ADGRL1: variants seen among roughly 807,000 people sequenced by gnomAD.
ADGRL1 encodes the protein CIRL-1.
Under a neutral mutation model 148.9 loss-of-function variants are expected in ADGRL1, and 31 were observed. The ratio of observed to expected loss-of-function variants is 0.21; its 90% CI spans 0.16 to 0.28. The LOEUF is 0.28. Among genes scored for constraint, ADGRL1 ranks in the 10% least tolerant of loss-of-function variants. The probability of loss-of-function intolerance (pLI) is 1.00; values close to 1 mark genes in which losing one functional copy is unlikely to be tolerated. For synonymous variants in ADGRL1, 937 were observed against 900.3 expected, an observed-to-expected ratio of 1.04 and a Z score of -0.73; for missense variants, 1,521 against 2,058.8, an observed-to-expected ratio of 0.74 and a Z score of 5.05.
In ADGRL1 at chr19:14,155,563, C is replaced by T. The variant is rs776939017; in HGVS notation, c.3126-36G>A. The T allele has an allele frequency of 7.5e-6, 12 of 1,608,662 alleles. No homozygotes were observed. In the South Asian group the frequency reaches 1.2e-4, roughly 16 times the overall value. ...GGCGACAGGGGAGTCAAAGTACCCG[C>T]CGGAGGGGACGGCCTCAGCCCAGGC... On this transcript the variant is annotated intron_variant, in intron 17 of 22. Transcript: ENST00000361434. The surrounding 1 kb of genome is among the most constrained non-coding windows in gnomAD (Gnocchi z 5.0).
chr19:14,194,013 G>A (rs12611303), intron 1 of ADGRL1, among the ~76,000 whole-genome samples: 19,932 of 152,144 alleles, frequency 0.13, 1,465 homozygotes, highest in South Asian at 0.3. Flanking sequence ...AGGCCAAGGC[G>A]GGAGAATTGC....
At chr19:14,158,644 A>G (rs1969019622) in intron 11 of ADGRL1, 92 bp from the exon 12 acceptor site, 1 of 1,071,918 alleles carries the variant, frequency 9.3e-7, no homozygotes, top group Non-Finnish European at 1.4e-6. Flanking sequence ...CCAGCTCCTC[A>G]GCCCTTGGCC....
rs374360165 is a variant in ADGRL1, at chr19:14,162,603, C to T, written c.1195+3G>A. On this transcript the variant is annotated splice_donor_region_variant and intron_variant, in intron 5 of 22. Coordinates refer to ENST00000361434, the MANE Select transcript of ADGRL1 (RefSeq NM_014921.5). This position sits in a 1 kb window ranked among gnomAD's most constrained non-coding sequence, Gnocchi z 5.4. Reference sequence around the variant, plus strand: ...TCCATGCCTGGAAGTGAGTCGTCCTCACCAGCACTGGGGTCGGGCGGCCCG... The same window carrying T: ...TCCATGCCTGGAAGTGAGTCGTCCTTACCAGCACTGGGGTCGGGCGGCCCG... 5.5e-4 allele frequency: 878 copies of T among 1,600,408 alleles called. No individual in the cohort carries two copies. Among genetic ancestry groups the T allele is most frequent in the Non-Finnish European group, 7.3e-4 (852 of 1,171,174 alleles).
At chr19:14,158,661 G>C in intron 11 of ADGRL1, 109 bp from the exon 12 acceptor site, 1 of 855,292 alleles carries the variant, frequency 1.2e-6, no homozygotes, top group Non-Finnish European at 1.8e-6. Context: ...GGCCACGCTG[G>C]CCACTGGGAC....
chr19:14,159,214 G>C lies in ADGRL1; in HGVS notation c.2025C>G (p.Val675=). ...ARFLAAKENV[V]LEVTVLNTEG... ...CTGTGTTCAGGACTGTGACCTCCAGGACTGTGGGGACAGGGGAAGGCAAGG... is the reference window on the plus strand; with the variant it reads ...CTGTGTTCAGGACTGTGACCTCCAGCACTGTGGGGACAGGGGAAGGCAAGG... The change falls in exon 11 of 23, where the codon GTC becomes GTG. Residue 675 remains valine, a splice_region_variant and synonymous_variant. Transcript: ENST00000361434. The surrounding 1 kb of genome is among the most constrained non-coding windows in gnomAD (Gnocchi z 6.0). 1 of 1,614,058 alleles carries C rather than the reference G, an allele frequency of 6.2e-7. No individual in the cohort carries two copies. The highest frequency in any genetic ancestry group is 8.5e-7 in the Non-Finnish European group (1 of 1,179,954).
chr19:14,158,044 G>C lies in ADGRL1; in HGVS notation c.2373C>G (p.Asn791Lys), dbSNP rs1421580093. Reference sequence around the variant, plus strand: ...AGAAGGAGCAGTTAGCATTGAAGTGGTTCTTGTCCTGTTGTGTGGTGGCAC... The same window carrying C: ...AGAAGGAGCAGTTAGCATTGAAGTGCTTCTTGTCCTGTTGTGTGGTGGCAC... Reference protein sequence around the residue: ...IFTVAHLEDKNHFNANCSFWN... With the variant: ...IFTVAHLEDKKHFNANCSFWN... Residue 791 changes from asparagine (N) to lysine (K), a missense_variant, in exon 13 of 23, where the codon AAC becomes AAG. Asn to Lys is a moderately conservative substitution (Grantham distance 94, BLOSUM62 0). Transcript: ENST00000361434. 3 of 1,614,122 alleles carry C rather than the reference G, an allele frequency of 1.9e-6. No individual in the cohort carries two copies. The highest frequency in any genetic ancestry group is 2.5e-6 in the Non-Finnish European group (3 of 1,179,988).
At chr19:14,195,180 T>C (rs996450510) in intron 1 of ADGRL1, among the ~76,000 whole-genome samples, 7 of 152,078 alleles carry the variant, frequency 4.6e-5, no homozygotes, top group African/African-American at 1.4e-4. Context: ...CAGGAATCCA[T>C]TGCACCCAGC....
intron 1 of ADGRL1, among the ~76,000 whole-genome samples, chr19:14,188,441 C>A (rs1463213043): frequency 6.6e-6 from 1 of 152,132 alleles, no homozygotes; most frequent in Non-Finnish European, 1.5e-5. Flanking sequence ...AGTGGACCCC[C>A]CAGAGCCATG....
chr19:14,181,209 C>T (rs903577613), intron 2 of ADGRL1, among the ~76,000 whole-genome samples: 3 of 152,240 alleles, frequency 2.0e-5, no homozygotes, highest in African/African-American at 7.2e-5. Flanking sequence ...CCTAACTTCA[C>T]CCCACCCCAT....
At position 14,155,524 on chromosome 19, in the gene ADGRL1, G is replaced by T; in HGVS notation, c.3129C>A (p.Ser1043=). Residue 1043 remains serine, a synonymous_variant, in exon 18 of 23, where the codon TCC becomes TCA. Transcript: ENST00000361434. This position sits in a 1 kb window ranked among gnomAD's most constrained non-coding sequence, Gnocchi z 5.0. ...PDSSRLDNIK[S]WALGAIALLF... is the part of the protein sequence containing the mutation. ...GCAGCGCGATGGCCCCCAGCGCCCA[G>T]GATCTGGGAGTGGGGCGACAGGGGA... is the stretch of plus-strand genomic sequence containing the variant. 1 of 1,613,420 alleles carries T rather than the reference G, an allele frequency of 6.2e-7. No homozygotes were observed.
chr19:14,167,104 AAG>A (rs1443043367), intron 4 of ADGRL1: 16 of 1,319,850 alleles, frequency 1.2e-5, no homozygotes, highest in African/African-American at 2.9e-5. Context: ...GAGAAAAAAA[AAG>A]AGATTAAATT....
chr19:14,184,639 TTTATTTA>T lies in ADGRL1; in HGVS notation c.-95-949_-95-943del, dbSNP rs1275349186. Among the ~76,000 whole-genome samples the T allele has an allele frequency of 4.6e-4, 57 of 122,902 alleles. 1 individual carries two copies. The highest frequency in any genetic ancestry group is 1.7e-3 in the African/African-American group (49 of 29,458). The allele number at this position is 122,902 out of a possible 152,430, so 80.6% of individuals were successfully genotyped here. A position where few individuals can be genotyped will look rare whatever the true frequency, so the allele number is the denominator to read the frequency against. On this transcript the variant is annotated intron_variant, in intron 1 of 22. Coordinates refer to ENST00000361434, the MANE Select transcript of ADGRL1 (RefSeq NM_014921.5). Reference sequence around the variant, plus strand: ...ATTTATTTATTTATTTATTTATTTATTTATTTATTTTTTTTTCTGAGACGGAGTCGTG... The same window carrying T: ...ATTTATTTATTTATTTATTTATTTATTTTTTTTTTCTGAGACGGAGTCGTG...
At position 14,160,600 on chromosome 19, in the gene ADGRL1, G is replaced by A; in HGVS notation, c.1607C>T (p.Ala536Val). 5 of 1,606,204 alleles carry A rather than the reference G, an allele frequency of 3.1e-6. No individual in the cohort carries two copies. Among genetic ancestry groups the A allele is most frequent in the South Asian group, 2.2e-5 (2 of 89,842 alleles). ...NCTSPWVNQVAQKIKSGENAA... is the reference protein window; with the variant it reads ...NCTSPWVNQVVQKIKSGENAA... ...AGGGGTGGTGGCTGGTACCTTCTGG[G>A]CCACCTGGTTGACCCAGGGGGAGGT... Residue 536 changes from alanine to valine, a missense_variant, in exon 7 of 23, where the codon GCC (alanine) becomes GTC (valine). Physicochemically the swap from Ala to Val is moderately conservative, Grantham distance 64. This residue lies in a region of ADGRL1 where 270 missense variants were observed against 320.4 expected (regional missense o/e 0.84). Coordinates refer to ENST00000361434, the MANE Select transcript of ADGRL1 (RefSeq NM_014921.5). This position sits in a 1 kb window ranked among gnomAD's most constrained non-coding sequence, Gnocchi z 5.9.
At chr19:14,158,317 G>A (rs1555782376) in intron 12 of ADGRL1, 21 bp downstream of exon 12, 7 of 1,603,252 alleles carry the variant, frequency 4.4e-6, no homozygotes, top group African/African-American at 1.3e-5. Context: ...CCCATGGAGG[G>A]AGGGGGACGG....
intron 2 of ADGRL1, among the ~76,000 whole-genome samples, chr19:14,179,530 A>G (rs1015036806): frequency 2.0e-5 from 3 of 152,084 alleles, no homozygotes; most frequent in African/African-American, 7.2e-5. Flanking sequence ...GAGAGGCCTC[A>G]GAAGGAACCA....
chr19:14,171,432 A>C (rs1250900334), intron 3 of ADGRL1, among the ~76,000 whole-genome samples: 1 of 152,126 alleles, frequency 6.6e-6, no homozygotes, highest in Non-Finnish European at 1.5e-5. Context: ...AAGAAGGAGG[A>C]GTCACCCGCT....
At chr19:14,192,653 T>C (rs369396283) in intron 1 of ADGRL1, among the ~76,000 whole-genome samples, 41 of 150,036 alleles carry the variant, frequency 2.7e-4, no homozygotes, top group Middle Eastern at 3.6e-3. Context: ...GAACCTCGAG[T>C]GATTCTCCTG....
intron 2 of ADGRL1, among the ~76,000 whole-genome samples, 164 bp from the exon 3 acceptor site, chr19:14,177,908 C>T (rs941167637): frequency 6.6e-6 from 1 of 152,232 alleles, no homozygotes; most frequent in Non-Finnish European, 1.5e-5. Flanking sequence ...AGTGTGCCCA[C>T]TTGTGTAGTG....
In ADGRL1 at chr19:14,152,545, G is replaced by A; in HGVS notation, c.3492C>T (p.Asp1164=). ...KQTESSFMAG[D]INSTPTLNRG... ...GGTTCAGGGTGGGGGTGCTGTTGAT[G>A]TCACCCGCCATGAAGGAGGACTCCG... The change falls in exon 20 of 23, where the codon GAC becomes GAT. Residue 1164 remains aspartate (D), a synonymous_variant. Coordinates refer to ENST00000361434, the MANE Select transcript of ADGRL1 (RefSeq NM_014921.5). This position sits in a 1 kb window ranked among gnomAD's most constrained non-coding sequence, Gnocchi z 6.1. 1 of 1,614,038 alleles carries A rather than the reference G, an allele frequency of 6.2e-7. No individual in the cohort carries two copies. The highest frequency in any genetic ancestry group is 8.5e-7 in the Non-Finnish European group (1 of 1,179,924).
Sources: allele counts gnomAD v4.1 joint callset (sites outside exome capture counted in the v4.1 genomes callset), GRCh38; gene constraint gnomAD v4.1.1; regional missense constraint gnomAD v4.1.1; non-coding constraint Gnocchi (gnomAD v3.1); transcripts MANE v1.5; gene names NCBI Gene and HGNC (gene_info 2026-07-23, HGNC 2026-07-21).